Variants in DDX50 observed in about 807,000 individuals in gnomAD.
The protein encoded by DDX50 is ATP-dependent RNA helicase DDX50.
Under a neutral mutation model 94.8 loss-of-function variants are expected in DDX50, and 56 were observed. That is an observed-to-expected ratio of 0.59 (90% CI 0.48 to 0.74). The LOEUF (loss-of-function observed/expected upper bound fraction) is 0.74, where lower values mean the gene tolerates loss of function less well. Ranked by LOEUF, DDX50 falls within the 30% of genes least tolerant of loss-of-function variation. DDX50 has a pLI of 0.00. For missense variants in DDX50, 713 were observed against 881.2 expected (o/e 0.81, Z 2.42); for synonymous variants, 264 against 295.4 (o/e 0.89, Z 1.09).
chr10:68,925,160 A>G (rs1019864047), intron 8 of DDX50, among the ~76,000 whole-genome samples: 1 of 137,452 alleles, frequency 7.3e-6, no homozygotes, highest in Non-Finnish European at 1.5e-5. Flanking sequence ...TTGGAGTGCA[A>G]TGGTGCGATC....
chr10:68,920,084 A>G (rs1364230222), intron 8 of DDX50, 103 bp downstream of exon 8: 2 of 1,436,250 alleles, frequency 1.4e-6, no homozygotes, highest in Non-Finnish European at 1.9e-6. Context: ...GTCATTCTCA[A>G]AACTGAGTTG....
chr10:68,913,581 A>G lies in DDX50; in HGVS notation c.943+5A>G. On this transcript the variant is annotated splice_donor_5th_base_variant and intron_variant, in intron 6 of 14. Transcript: ENST00000373585. ...TTCATGAATCCTACAAAACTGGTATATCCTAATTCAAAATAAGCACATTAG... is the reference window on the plus strand; with the variant it reads ...TTCATGAATCCTACAAAACTGGTATGTCCTAATTCAAAATAAGCACATTAG... 6.3e-7 allele frequency: 1 copy of G among 1,597,292 alleles called. No homozygotes were observed. The highest frequency in any genetic ancestry group is 8.5e-7 in the Non-Finnish European group (1 of 1,172,426).
chr10:68,937,889 A>AT (rs1277204510), intron 12 of DDX50, among the ~76,000 whole-genome samples: 4 of 152,014 alleles, frequency 2.6e-5, no homozygotes, highest in East Asian at 1.9e-4. Flanking sequence ...CCCGGCCTGT[A>AT]TTTTTTTTCT....
intron 8 of DDX50, among the ~76,000 whole-genome samples, chr10:68,931,392 A>AAAAATAT (rs1256416800): frequency 3.5e-5 from 3 of 85,760 alleles, no homozygotes; most frequent in African/African-American, 1.4e-4. Context: ...TAAAAAAAAA[A>AAAAATAT]ATATATATAT....
chr10:68,943,979 C>G (rs1842608121), intron 14 of DDX50, among the ~76,000 whole-genome samples: 1 of 152,200 alleles, frequency 6.6e-6, no homozygotes. Context: ...ATTATCAGTT[C>G]ATAGCCAGTT....
Position 68,933,076 on chromosome 10 carries a change from T to G in DDX50, c.1240-1123T>G, listed in dbSNP as rs1381411971. Among the ~76,000 whole-genome samples the G allele has an allele frequency of 9.3e-5, 14 of 150,994 alleles. No individual in the cohort carries two copies. In the East Asian group the frequency reaches 2.1e-3, roughly 23 times the overall value. On this transcript the variant is annotated intron_variant, in intron 8 of 14. Coordinates refer to ENST00000373585, the MANE Select transcript of DDX50 (RefSeq NM_024045.2). ...GCAACATTGTTTGTTTGTTTGTTTTTTTTTTTTTTGAGATGAAGCTTCACT... is the reference window on the plus strand; with the variant it reads ...GCAACATTGTTTGTTTGTTTGTTTTGTTTTTTTTTGAGATGAAGCTTCACT...
chr10:68,934,463 T>A lies in DDX50; in HGVS notation c.1401+103T>A, dbSNP rs1842354693. On this transcript the variant is annotated intron_variant, in intron 9 of 14. Coordinates refer to ENST00000373585, the MANE Select transcript of DDX50 (RefSeq NM_024045.2). The surrounding 1 kb of genome is among the most constrained non-coding windows in gnomAD (Gnocchi z 4.0). Reference sequence around the variant, plus strand: ...GATGTGAAAAATATGTCATCTCTTCTTGCTCTTAGCCATTTTTTGTTAGTG... The same window carrying A: ...GATGTGAAAAATATGTCATCTCTTCATGCTCTTAGCCATTTTTTGTTAGTG... The A allele has an allele frequency of 6.7e-7, 1 of 1,493,526 alleles. No individual in the cohort carries two copies. The allele number at this position is 1,493,526 out of a possible 1,614,324, so 92.5% of individuals were successfully genotyped here. A position where few individuals can be genotyped will look rare whatever the true frequency, so the allele number is the denominator to read the frequency against.
intron 14 of DDX50, among the ~76,000 whole-genome samples, chr10:68,944,540 A>G (rs1278150608): frequency 3.3e-5 from 5 of 151,744 alleles, no homozygotes; most frequent in Admixed American, 6.6e-5. Context: ...TTCTTTTTAT[A>G]TTTTAATTTT....
chr10:68,931,727 A>T (rs1363656962), intron 8 of DDX50, among the ~76,000 whole-genome samples: 1 of 152,036 alleles, frequency 6.6e-6, no homozygotes, highest in South Asian at 2.1e-4. Flanking sequence ...GCCTGGTCGT[A>T]TAATTTAATA....
Position 68,924,274 on chromosome 10 carries a change from A to AT in DDX50, c.1239+4305dup, listed in dbSNP as rs937340458. On this transcript the variant is annotated intron_variant, in intron 8 of 14. Coordinates refer to ENST00000373585, the MANE Select transcript of DDX50 (RefSeq NM_024045.2). ...GGCATGAGCCACCGTGTCTGCCAAA[A>AT]TTTTTTTTTTTTAAGAGACAGGGTC... Among the ~76,000 whole-genome samples, 53 of 147,080 alleles carry AT rather than the reference A, an allele frequency of 3.6e-4. No homozygotes were observed. The South Asian group carries it at 6.6e-3, about 18-fold the overall frequency.
At chr10:68,923,519 T>C (rs1841997507) in intron 8 of DDX50, among the ~76,000 whole-genome samples, 1 of 151,686 alleles carries the variant, frequency 6.6e-6, no homozygotes, top group South Asian at 2.1e-4. Flanking sequence ...ATATGATATA[T>C]ATGTATATTT....
chr10:68,910,574 CA>C (rs1841597024), intron 3 of DDX50, among the ~76,000 whole-genome samples, 192 bp downstream of exon 3: 1 of 152,086 alleles, frequency 6.6e-6, no homozygotes, highest in Admixed American at 6.6e-5. Flanking sequence ...GGCTAAGTTT[CA>C]TATTTTTAGT....
intron 14 of DDX50, 64 bp from the exon 15 acceptor site, chr10:68,946,288 C>T: frequency 6.6e-7 from 1 of 1,522,574 alleles, no homozygotes; most frequent in Non-Finnish European, 8.8e-7. Flanking sequence ...TCTTCTTGTA[C>T]TTAACATGTT....
chr10:68,903,811 C>G (rs568692987), intron 1 of DDX50, among the ~76,000 whole-genome samples: 2 of 146,976 alleles, frequency 1.4e-5, no homozygotes, highest in South Asian at 2.2e-4. Flanking sequence ...AAAAAAAAAC[C>G]CAAAAAACCC....
chr10:68,910,953 C>G, intron 3 of DDX50, 115 bp from the exon 4 acceptor site: 1 of 731,556 alleles, frequency 1.4e-6, no homozygotes, highest in East Asian at 3.0e-5. Flanking sequence ...ACTGTGTCAC[C>G]AGGTGGCATG....
chr10:68,908,785 GCGTGTAGCACCATGC>G (rs928327714), intron 2 of DDX50, among the ~76,000 whole-genome samples: 3 of 151,854 alleles, frequency 2.0e-5, no homozygotes, highest in Non-Finnish European at 4.4e-5. Flanking sequence ...GGGACTATAG[GCGTGTAGCACCATGC>G]CTGGCTAATT....
At chr10:68,937,881 C>T (rs1234988437) in intron 12 of DDX50, among the ~76,000 whole-genome samples, 1 of 152,058 alleles carries the variant, frequency 6.6e-6, no homozygotes. Flanking sequence ...CCACCTCACC[C>T]GGCCTGTATT....
At chr10:68,942,854 CAAACA>C (rs1441168337) in intron 13 of DDX50, among the ~76,000 whole-genome samples, 2 of 152,110 alleles carry the variant, frequency 1.3e-5, no homozygotes, top group East Asian at 3.8e-4. Context: ...TTCCTGGACT[CAAACA>C]ATCTGTCCAC....
At chr10:68,945,526 C>A (rs181581882) in intron 14 of DDX50, among the ~76,000 whole-genome samples, 1 of 151,986 alleles carries the variant, frequency 6.6e-6, no homozygotes. Context: ...AGGCTGGTCT[C>A]GAACTTCTGA....
Sources: gnomAD v4.1 joint callset for allele counts (sites outside exome capture counted in the v4.1 genomes callset) on GRCh38, gnomAD v4.1.1 for gene constraint, Gnocchi (gnomAD v3.1) non-coding constraint, MANE v1.5 for transcripts, NCBI Gene and HGNC (gene_info 2026-07-23, HGNC 2026-07-21) for gene names.